The following VPS13B variants were observed in gnomAD, a reference collection of about 807,000 sequenced individuals.
VPS13B encodes the protein intermembrane lipid transfer protein VPS13B.
In VPS13B, 285 loss-of-function variants were observed where a neutral mutation model predicts 426.4. The observed-to-expected ratio is 0.67, with a 90% confidence interval of 0.61 to 0.74. VPS13B has a LOEUF of 0.74. Among genes scored for constraint, VPS13B ranks in the 30% least tolerant of loss-of-function variants. The pLI is 0.00. For synonymous variants in VPS13B, 1,676 were observed against 1,676.4 expected (o/e 1.00, Z 0.01); for missense variants, 4,537 against 4,782.6 (o/e 0.95, Z 1.51).
chr8:99,773,745 T>A (rs1306641094), intron 40 of VPS13B, among the ~76,000 whole-genome samples: 1 of 152,206 alleles, frequency 6.6e-6, no homozygotes, highest in Non-Finnish European at 1.5e-5. Context: ...CAGTTAAAAG[T>A]GAAGAGCACC....
At chr8:99,521,111 C>A in intron 30 of VPS13B, 101 bp downstream of exon 30, 2 of 988,642 alleles carry the variant, frequency 2.0e-6, no homozygotes, top group Non-Finnish European at 3.1e-6. Context: ...ATTTCTCATT[C>A]AGGATCTTTT....
At chr8:99,606,837 T>C (rs911321078) in intron 33 of VPS13B, among the ~76,000 whole-genome samples, 2 of 152,122 alleles carry the variant, frequency 1.3e-5, no homozygotes, top group Admixed American at 1.3e-4. Flanking sequence ...TGGCTTATGG[T>C]ATTCTTCCTT....
At chr8:99,641,788 A>T (rs1829376751) in intron 33 of VPS13B, 23 bp from the exon 34 acceptor site, 1 of 1,596,844 alleles carries the variant, frequency 6.3e-7, no homozygotes, top group Admixed American at 1.7e-5. Context: ...AGTTTGAAAT[A>T]TTTTATTACT....
At chr8:99,874,226 A>T (rs1817577248) in intron 61 of VPS13B, among the ~76,000 whole-genome samples, 1 of 152,146 alleles carries the variant, frequency 6.6e-6, no homozygotes, top group African/African-American at 2.4e-5. Flanking sequence ...GGAGCAATTA[A>T]AACTTTTTGT....
intron 30 of VPS13B, among the ~76,000 whole-genome samples, chr8:99,521,635 A>C (rs1822383911): frequency 6.6e-6 from 1 of 152,238 alleles, no homozygotes; most frequent in Non-Finnish European, 1.5e-5. Flanking sequence ...GCTGCCAGAC[A>C]GAAAAGTACA....
chr8:99,728,540 A>T (rs991136602), intron 39 of VPS13B, among the ~76,000 whole-genome samples: 17 of 152,170 alleles, frequency 1.1e-4, no homozygotes, highest in Admixed American at 1.0e-3. Flanking sequence ...AATGTGTTAG[A>T]CCACATTAGA....
chr8:99,431,390 G>C, intron 21 of VPS13B, 147 bp from the exon 22 acceptor site: 1 of 1,110,672 alleles, frequency 9.0e-7, no homozygotes, highest in Non-Finnish European at 1.3e-6. Context: ...TTCTATAAGA[G>C]AAAATGATGT....
chr8:99,767,467 C>G lies in VPS13B; in HGVS notation c.7247+497C>G, dbSNP rs930664423. On this transcript the variant is annotated intron_variant, in intron 40 of 61. Transcript: ENST00000357162. ...TTTAAAACTTTAAAAGACAAGCCTCCCCTAGGTGACAAAGTGCAACTCTCT... is the reference window on the plus strand; with the variant it reads ...TTTAAAACTTTAAAAGACAAGCCTCGCCTAGGTGACAAAGTGCAACTCTCT... Among the ~76,000 whole-genome samples the G allele has an allele frequency of 2.7e-4, 37 of 135,830 alleles. 1 individual carries two copies. Among genetic ancestry groups the G allele is most frequent in the Non-Finnish European group, 6.2e-5 (4 of 64,780 alleles). The allele number at this position is 135,830 out of a possible 152,430, so 89.1% of individuals were successfully genotyped here.
intron 8 of VPS13B, among the ~76,000 whole-genome samples, chr8:99,127,062 C>T (rs969727606): frequency 3.3e-5 from 5 of 151,366 alleles, no homozygotes; most frequent in Non-Finnish European, 5.9e-5. Context: ...GCCACTGCCA[C>T]TGCAGCCTGG....
At chr8:99,462,043 A>G (rs574875856) in intron 23 of VPS13B, among the ~76,000 whole-genome samples, 256 of 152,108 alleles carry the variant, frequency 1.7e-3, no homozygotes, top group African/African-American at 5.7e-3. Flanking sequence ...ACTGCTGCCA[A>G]TGCTTAAGAC....
intron 31 of VPS13B, among the ~76,000 whole-genome samples, chr8:99,572,822 A>G (rs1487452125): frequency 6.6e-6 from 1 of 152,160 alleles, no homozygotes; most frequent in Non-Finnish European, 1.5e-5. Flanking sequence ...ATACCCAGTA[A>G]TGGGATGGCT....
chr8:99,630,100 G>A (rs776377595), intron 33 of VPS13B, among the ~76,000 whole-genome samples: 17 of 152,226 alleles, frequency 1.1e-4, no homozygotes, highest in Non-Finnish European at 1.9e-4. Context: ...TGGTGCCTGA[G>A]AATCTCTATT....
At chr8:99,208,599 C>G (rs961119081) in intron 17 of VPS13B, among the ~76,000 whole-genome samples, 9 of 151,742 alleles carry the variant, frequency 5.9e-5, no homozygotes, top group African/African-American at 1.5e-4. Flanking sequence ...CTCTTTACCA[C>G]AGAGATTTAT....
chr8:99,283,458 T>C (rs1819268872), intron 19 of VPS13B, among the ~76,000 whole-genome samples: 1 of 152,198 alleles, frequency 6.6e-6, no homozygotes, highest in Non-Finnish European at 1.5e-5. Context: ...GATTTCATGC[T>C]CCTAGCATTT....
chr8:99,063,488 C>A (rs927190162), intron 3 of VPS13B, among the ~76,000 whole-genome samples: 2 of 152,206 alleles, frequency 1.3e-5, no homozygotes, highest in Admixed American at 1.3e-4. Flanking sequence ...AGTCTGAGAT[C>A]GACCTGCAAG....
intron 2 of VPS13B, among the ~76,000 whole-genome samples, chr8:99,024,014 C>T (rs1306768137): frequency 6.6e-6 from 1 of 152,080 alleles, no homozygotes; most frequent in Non-Finnish European, 1.5e-5. Context: ...AATATATGTT[C>T]CCACCAAAAG....
At chr8:99,087,703 C>T (rs1456885830) in intron 3 of VPS13B, among the ~76,000 whole-genome samples, 3 of 151,668 alleles carry the variant, frequency 2.0e-5, no homozygotes, top group Non-Finnish European at 2.9e-5. Flanking sequence ...CACCCTCAGC[C>T]TCCTGAGTAG....
chr8:99,794,592 G>T (rs888714113), intron 43 of VPS13B, among the ~76,000 whole-genome samples: 2 of 152,172 alleles, frequency 1.3e-5, no homozygotes, highest in African/African-American at 4.8e-5. Context: ...TCCATGAAAA[G>T]TAGCTTTTGT....
At chr8:99,355,970 T>C (rs905078070) in intron 19 of VPS13B, among the ~76,000 whole-genome samples, 1 of 152,194 alleles carries the variant, frequency 6.6e-6, no homozygotes, top group Non-Finnish European at 1.5e-5. Context: ...GTTGGATGGA[T>C]GAGTGAATGA....
Sources: allele counts gnomAD v4.1 joint callset (sites outside exome capture counted in the v4.1 genomes callset), GRCh38; gene constraint gnomAD v4.1.1; transcripts MANE v1.5; gene names NCBI Gene and HGNC (gene_info 2026-07-23, HGNC 2026-07-21).